Variants in SOX5 observed in about 807,000 individuals in gnomAD.
SOX5 encodes SRY-box transcription factor 5, also known as transcription factor SOX-5.
SOX5 carries 9 observed loss-of-function variants against 92.0 expected under a neutral mutation model. That is an observed-to-expected ratio of 0.10 (90% CI 0.06 to 0.17). The LOEUF (loss-of-function observed/expected upper bound fraction) is 0.17. SOX5 is among the 10% of genes least tolerant of loss of function. The pLI is 1.00. For missense variants in SOX5, 642 were observed against 944.5 expected (o/e 0.68, Z 4.20); for synonymous variants, 344 against 336.3 (o/e 1.02, Z -0.25).
chr12:23,785,790 G>T (rs1288997962), intron 3 of SOX5, among the ~76,000 whole-genome samples: 1 of 152,066 alleles, frequency 6.6e-6, no homozygotes. Flanking sequence ...TCTTGATGTC[G>T]AGAAAACATA....
chr12:23,641,569 G>A (rs2080067553), intron 7 of SOX5, among the ~76,000 whole-genome samples: 1 of 152,000 alleles, frequency 6.6e-6, no homozygotes, highest in Admixed American at 6.6e-5. Context: ...AATTAATCCT[G>A]AAGTTTTACT....
intron 2 of SOX5, among the ~76,000 whole-genome samples, chr12:24,354,070 GA>G (rs1365382233): frequency 1.3e-5 from 2 of 152,242 alleles, no homozygotes; most frequent in Non-Finnish European, 2.9e-5. Context: ...TTATAGATTA[GA>G]TTAAAACTAG....
chr12:24,267,563 T>G (rs892252976), intron 3 of SOX5, among the ~76,000 whole-genome samples: 2 of 152,180 alleles, frequency 1.3e-5, no homozygotes, highest in African/African-American at 2.4e-5. Flanking sequence ...TCCACTGACA[T>G]GATAAATAAT....
At chr12:24,521,957 G>T (rs187072063) in intron 1 of SOX5, among the ~76,000 whole-genome samples, 30 of 150,502 alleles carry the variant, frequency 2.0e-4, no homozygotes, top group Non-Finnish European at 4.0e-4. Context: ...AGGTAGAAAC[G>T]AATCAAATAA....
chr12:23,624,604 C>T (rs914736466), intron 8 of SOX5, among the ~76,000 whole-genome samples: 6 of 152,090 alleles, frequency 3.9e-5, no homozygotes, highest in Admixed American at 6.5e-5. Context: ...TGTAAGACAC[C>T]TGGTTCCAGC....
At chr12:24,031,522 G>C (rs1955510343) in intron 4 of SOX5, among the ~76,000 whole-genome samples, 1 of 151,826 alleles carries the variant, frequency 6.6e-6, no homozygotes, top group Non-Finnish European at 1.5e-5. Flanking sequence ...GTTACCAGGA[G>C]CTGCAGAGGT....
intron 8 of SOX5, chr12:23,637,851 A>T (rs960175676): frequency 6.6e-6 from 1 of 152,490 alleles, no homozygotes; most frequent in Non-Finnish European, 1.5e-5. Flanking sequence ...TTCTCTTCTG[A>T]AGTTTTCTAA....
chr12:24,382,998 A>G (rs1957990660), intron 1 of SOX5, among the ~76,000 whole-genome samples: 1 of 152,144 alleles, frequency 6.6e-6, no homozygotes, highest in Admixed American at 6.5e-5. Flanking sequence ...TGCAATGTAA[A>G]AGAAATGTAT....
chr12:23,609,055 AT>A (rs1441097988), intron 8 of SOX5, among the ~76,000 whole-genome samples: 4 of 152,128 alleles, frequency 2.6e-5, no homozygotes, highest in African/African-American at 9.7e-5. Flanking sequence ...CATAGAAGAA[AT>A]GGAGTTAAGG....
At chr12:23,643,739 G>C (rs2080440430) in intron 7 of SOX5, among the ~76,000 whole-genome samples, 1 of 152,172 alleles carries the variant, frequency 6.6e-6, no homozygotes, top group Non-Finnish European at 1.5e-5. Context: ...TAATGATGTG[G>C]AGGTCACTGG....
At chr12:24,372,424 G>C (rs1479881416) in intron 1 of SOX5, among the ~76,000 whole-genome samples, 1 of 152,100 alleles carries the variant, frequency 6.6e-6, no homozygotes, top group Non-Finnish European at 1.5e-5. Context: ...AAGAATGATG[G>C]TTTCCAGCTT....
chr12:24,341,469 C>T (rs1193054289), intron 2 of SOX5, among the ~76,000 whole-genome samples: 1 of 152,100 alleles, frequency 6.6e-6, no homozygotes, highest in Non-Finnish European at 1.5e-5. Flanking sequence ...AGAACGAAAC[C>T]GTCTCAAAAA....
intron 3 of SOX5, among the ~76,000 whole-genome samples, chr12:24,254,167 A>G (rs1392974938): frequency 2.6e-5 from 4 of 152,152 alleles, no homozygotes; most frequent in Non-Finnish European, 5.9e-5. Flanking sequence ...ATACATTCTT[A>G]GTACCACTGC....
chr12:24,369,089 CA>C (rs540546984), intron 1 of SOX5, among the ~76,000 whole-genome samples: 54 of 152,302 alleles, frequency 3.5e-4, no homozygotes, highest in African/African-American at 1.3e-3. Context: ...TTAAAGGAGA[CA>C]ACGCCTAGCA....
chr12:23,531,185 A>C lies in SOX5; in HGVS notation c.*3034T>G, dbSNP rs970083586. On this transcript the variant is annotated 3_prime_UTR_variant, in exon 15 of 15. Transcript: ENST00000451604. ...GCAAAGAAAATTTGATGTCCAGTGA[A>C]TTAACCGTCAGAACAAGAGAACAGA... The C allele has an allele frequency of 7.9e-5, 12 of 152,194 alleles. No homozygotes were observed. Among genetic ancestry groups the C allele is most frequent in the African/African-American group, 2.9e-4 (12 of 41,446 alleles). The allele number at this position is 152,194 out of a possible 1,614,324, so 9.4% of individuals were successfully genotyped here. A position where few individuals can be genotyped will look rare whatever the true frequency, so the allele number is the denominator to read the frequency against.
chr12:23,882,419 CT>C, intron 2 of SOX5, among the ~76,000 whole-genome samples: 1 of 151,182 alleles, frequency 6.6e-6, no homozygotes, highest in Non-Finnish European at 1.5e-5. Flanking sequence ...GAACCATGTC[CT>C]AAAAGAATAT....
chr12:23,868,819 G>GT (rs1295676639), intron 2 of SOX5, among the ~76,000 whole-genome samples: 1 of 151,960 alleles, frequency 6.6e-6, no homozygotes, highest in Non-Finnish European at 1.5e-5. Context: ...CATATTTTGA[G>GT]TATAAACTAA....
At chr12:24,456,355 G>A (rs1943020277) in intron 1 of SOX5, among the ~76,000 whole-genome samples, 1 of 152,032 alleles carries the variant, frequency 6.6e-6, no homozygotes, top group Admixed American at 6.5e-5. Context: ...TCACATTTGA[G>A]CTTAAATCTG....
chr12:24,237,253 G>A (rs1468672198), intron 3 of SOX5, among the ~76,000 whole-genome samples: 2 of 152,178 alleles, frequency 1.3e-5, no homozygotes, highest in Non-Finnish European at 1.5e-5. Context: ...TCCTGAGACC[G>A]AGTTTCCCAG....
Sources: allele counts gnomAD v4.1 joint callset (sites outside exome capture counted in the v4.1 genomes callset), GRCh38; gene constraint gnomAD v4.1.1; transcripts MANE v1.5; gene names NCBI Gene and HGNC (gene_info 2026-07-23, HGNC 2026-07-21).